The following PCDHGB6 variants were observed in gnomAD, a reference collection of about 807,000 sequenced individuals.
PCDHGB6 encodes protocadherin gamma-B6.
A neutral mutation model predicts 59.1 loss-of-function variants in PCDHGB6; 51 were observed. That is an observed-to-expected ratio of 0.86 (90% confidence interval 0.69 to 1.09). The LOEUF (loss-of-function observed/expected upper bound fraction) is 1.09. Ranked by LOEUF, PCDHGB6 falls within the 50% of genes least tolerant of loss-of-function variation. PCDHGB6 has a pLI of 0.00. For missense variants in PCDHGB6, 1,148 were observed against 1,205.1 expected (o/e 0.95, Z 0.70); for synonymous variants, 466 against 495.1 (o/e 0.94, Z 0.78).
intron 1 of PCDHGB6, chr5:141,414,361 T>G: frequency 6.2e-7 from 1 of 1,613,876 alleles, no homozygotes; most frequent in Non-Finnish European, 8.5e-7. Context: ...GTATCTACCA[T>G]TTAAATTAGA....
rs1157645386 is a variant in PCDHGB6 at position 141,477,622 on chromosome 5, A to C, written c.2419-17185A>C. On this transcript the variant is annotated intron_variant, in intron 1 of 3. Coordinates refer to ENST00000520790, the MANE Select transcript of PCDHGB6 (RefSeq NM_018926.3). This position sits in a 1 kb window ranked among gnomAD's most constrained non-coding sequence, Gnocchi z 4.9. ...TCTTTCTCTTGGAGCAAGGAGCTGA[A>C]ACCGGGCTAGTGGGTCGCTATTTCA... 1 of 1,614,108 alleles carries C rather than the reference A, an allele frequency of 6.2e-7. No homozygotes were observed. The highest frequency in any genetic ancestry group is 2.2e-5 in the East Asian group (1 of 44,904).
In PCDHGB6 at chr5:141,409,495, T is replaced by C. The variant is rs777919409; in HGVS notation, c.1293T>C (p.Pro431=). The change falls in exon 1 of 4, where the codon CCT becomes CCC. Residue 431 remains proline (P), a synonymous_variant. Transcript: ENST00000520790. ...TAGCCACTGACAGGGGCAAGCCGCC[T>C]CTTTCTTCCAGTAGAAGCATCACCT... ...TIVATDRGKP[P]LSSSRSITLY... is the part of the protein sequence containing the mutation. 5 of 1,613,862 alleles carry C rather than the reference T, an allele frequency of 3.1e-6. No homozygotes were observed. Among genetic ancestry groups the C allele is most frequent in the Non-Finnish European group, 4.2e-6 (5 of 1,179,880 alleles).
chr5:141,460,649 A>G (rs1171722531), intron 1 of PCDHGB6, among the ~76,000 whole-genome samples: 2 of 152,152 alleles, frequency 1.3e-5, no homozygotes, highest in Non-Finnish European at 2.9e-5. Flanking sequence ...GTGTTTACAC[A>G]TATGTAACTG....
chr5:141,437,478 T>G (rs942305423), intron 1 of PCDHGB6, among the ~76,000 whole-genome samples: 2 of 152,210 alleles, frequency 1.3e-5, no homozygotes, highest in African/African-American at 2.4e-5. Flanking sequence ...TATAGCATAT[T>G]TAATCTCGTA....
chr5:141,478,700 C>T (rs1171617240), intron 1 of PCDHGB6: 2 of 1,549,172 alleles, frequency 1.3e-6, no homozygotes, highest in South Asian at 1.2e-5. Flanking sequence ...AAAGTTAGTG[C>T]CTTTGTGAGA....
intron 1 of PCDHGB6, chr5:141,422,122 A>G (rs758254144): frequency 6.2e-7 from 1 of 1,601,596 alleles, no homozygotes; most frequent in African/African-American, 1.4e-5. Context: ...GGATTCACAA[A>G]CTGGAGAAGT....
chr5:141,490,288 G>T lies in PCDHGB6; in HGVS notation c.2419-4519G>T, dbSNP rs2099698282. 1.2e-6 allele frequency: 2 copies of T among 1,614,080 alleles called. No homozygotes were observed. Among genetic ancestry groups the T allele is most frequent in the South Asian group, 1.1e-5 (1 of 91,092 alleles). On this transcript the variant is annotated intron_variant, in intron 1 of 3. Transcript: ENST00000520790. This position sits in a 1 kb window ranked among gnomAD's most constrained non-coding sequence, Gnocchi z 5.4. ...GGATGTCAATGACAATGCCCCAGAG[G>T]TGCTATTGGCCTCTTTGGCCAACCC...
chr5:141,465,761 G>A (rs1040750106), intron 1 of PCDHGB6, among the ~76,000 whole-genome samples: 2 of 151,634 alleles, frequency 1.3e-5, no homozygotes, highest in African/African-American at 4.8e-5. Flanking sequence ...GTAAAGTCAT[G>A]TTTCATCTCT....
chr5:141,487,889 T>C lies in PCDHGB6; in HGVS notation c.2419-6918T>C, dbSNP rs984668596. On this transcript the variant is annotated intron_variant, in intron 1 of 3. Transcript: ENST00000520790. The surrounding 1 kb of genome is among the most constrained non-coding windows in gnomAD (Gnocchi z 5.0). ...CAAGAGCCAGGCTGTTGTGGAAGCA[T>C]GATGATGGAATGTGGGAGCACAGGA... 6.7e-6 allele frequency: 5 copies of C among 747,180 alleles called. No homozygotes were observed. The highest frequency in any genetic ancestry group is 1.1e-5 in the Non-Finnish European group (5 of 464,054). The allele number at this position is 747,180 out of a possible 1,614,324, so 46.3% of individuals were successfully genotyped here. A position where few individuals can be genotyped will look rare whatever the true frequency, so the allele number is the denominator to read the frequency against.
chr5:141,443,820 T>C (rs1329478151), intron 1 of PCDHGB6, among the ~76,000 whole-genome samples: 1 of 151,986 alleles, frequency 6.6e-6, no homozygotes. Flanking sequence ...TTGGAAAACA[T>C]AATTAGGTAA....
rs1229317913 is a variant in PCDHGB6 at position 141,489,752 on chromosome 5, C to T, written c.2419-5055C>T. ...GGCACCAATACTGTGAGCTTTTACACTCTAAGCCCCAACAGCCACTTCTCT... is the reference window on the plus strand; with the variant it reads ...GGCACCAATACTGTGAGCTTTTACATTCTAAGCCCCAACAGCCACTTCTCT... On this transcript the variant is annotated intron_variant, in intron 1 of 3. Transcript: ENST00000520790. The surrounding 1 kb of genome is among the most constrained non-coding windows in gnomAD (Gnocchi z 4.5). 1.2e-6 allele frequency: 2 copies of T among 1,614,018 alleles called. No individual in the cohort carries two copies. Among genetic ancestry groups the T allele is most frequent in the Non-Finnish European group, 1.7e-6 (2 of 1,179,980 alleles).
chr5:141,448,122 C>A (rs1315243727), intron 1 of PCDHGB6, among the ~76,000 whole-genome samples: 1 of 151,820 alleles, frequency 6.6e-6, no homozygotes, highest in Non-Finnish European at 1.5e-5. Context: ...AAATTAGCCT[C>A]CCCCACCCTC....
At chr5:141,419,204 GC>G (rs2096344015) in intron 1 of PCDHGB6, 9 of 1,613,916 alleles carry the variant, frequency 5.6e-6, no homozygotes, top group Non-Finnish European at 7.6e-6. Context: ...CAATGACAAC[GC>G]GCCGGTTTTC....
In PCDHGB6 at chr5:141,476,477, G is replaced by T. The variant is rs768824553; in HGVS notation, c.2419-18330G>T. The T allele has an allele frequency of 1.9e-6, 3 of 1,614,078 alleles. No homozygotes were observed. The highest frequency in any genetic ancestry group is 1.7e-5 in the Admixed American group (1 of 60,016). Reference sequence around the variant, plus strand: ...GGAGAACCCGCTGGAGCTGTTCAGCGTGGAAGTGGTGATCCAGGACATCAA... The same window carrying T: ...GGAGAACCCGCTGGAGCTGTTCAGCTTGGAAGTGGTGATCCAGGACATCAA... On this transcript the variant is annotated intron_variant, in intron 1 of 3. Coordinates refer to ENST00000520790, the MANE Select transcript of PCDHGB6 (RefSeq NM_018926.3). This position sits in a 1 kb window ranked among gnomAD's most constrained non-coding sequence, Gnocchi z 7.6.
intron 1 of PCDHGB6, among the ~76,000 whole-genome samples, chr5:141,426,030 G>A (rs966664613): frequency 1.3e-5 from 2 of 152,168 alleles, no homozygotes; most frequent in Admixed American, 6.5e-5. Context: ...AATAGACTCA[G>A]AGCCCTGCTG....
rs200686404 is a variant in PCDHGB6 at position 141,477,185 on chromosome 5, G to A, written c.2419-17622G>A. On this transcript the variant is annotated intron_variant, in intron 1 of 3. Transcript: ENST00000520790. The surrounding 1 kb of genome is among the most constrained non-coding windows in gnomAD (Gnocchi z 4.9). ...CGCCCCGGAGATCACAGTCACCTCCGTGTACAGCCCAGTACCCGAGGATGC... is the reference window on the plus strand; with the variant it reads ...CGCCCCGGAGATCACAGTCACCTCCATGTACAGCCCAGTACCCGAGGATGC... 1.2e-6 allele frequency: 2 copies of A among 1,614,210 alleles called. No individual in the cohort carries two copies. Among genetic ancestry groups the A allele is most frequent in the South Asian group, 1.1e-5 (1 of 91,084 alleles).
intron 2 of PCDHGB6, among the ~76,000 whole-genome samples, chr5:141,501,057 C>T (rs185929124): frequency 9.7e-4 from 147 of 151,960 alleles, no homozygotes; most frequent in African/African-American, 3.4e-3. Context: ...TTAGTAGAGA[C>T]GGGGTTTCAC....
chr5:141,419,730 G>A (rs747960969), intron 1 of PCDHGB6: 9 of 1,613,746 alleles, frequency 5.6e-6, no homozygotes, highest in Non-Finnish European at 7.6e-6. Context: ...CTGCGAACAG[G>A]CGAGGTGCGC....
At position 141,486,272 on chromosome 5, in the gene PCDHGB6, A is replaced by C. The variant is rs2099627166; in HGVS notation, c.2419-8535A>C. On this transcript the variant is annotated intron_variant, in intron 1 of 3. Transcript: ENST00000520790. The surrounding 1 kb of genome is among the most constrained non-coding windows in gnomAD (Gnocchi z 5.0). ...CCTCCCCGAGAGTGCAGAACCTGGC[A>C]CTGTGGTGGCACTTATCAGTGTGCA... 1 of 1,613,886 alleles carries C rather than the reference A, an allele frequency of 6.2e-7. No individual in the cohort carries two copies. Among genetic ancestry groups the C allele is most frequent in the Non-Finnish European group, 8.5e-7 (1 of 1,179,986 alleles).
Sources: allele counts gnomAD v4.1 joint callset (sites outside exome capture counted in the v4.1 genomes callset), GRCh38; gene constraint gnomAD v4.1.1; non-coding constraint Gnocchi (gnomAD v3.1); transcripts MANE v1.5; gene names NCBI Gene and HGNC (gene_info 2026-07-23, HGNC 2026-07-21).